Variants in GSK3B observed in about 807,000 individuals in gnomAD.
The protein encoded by GSK3B is glycogen synthase kinase 3 beta.
GSK3B carries 15 observed loss-of-function variants against 56.4 expected under a neutral mutation model. The ratio of observed to expected loss-of-function variants is 0.27; its 90% CI spans 0.18 to 0.41. The LOEUF (loss-of-function observed/expected upper bound fraction) is 0.41, where lower values mean the gene tolerates loss of function less well. Among genes scored for constraint, GSK3B ranks in the 10% least tolerant of loss-of-function variants. The pLI is 1.00. For synonymous variants in GSK3B, 181 were observed against 188.9 expected (o/e 0.96, Z 0.34); for missense variants, 300 against 513.4 (o/e 0.58, Z 4.02).
chr3:119,990,254 C>A (rs1308165952), intron 2 of GSK3B, among the ~76,000 whole-genome samples: 2 of 152,066 alleles, frequency 1.3e-5, no homozygotes, highest in African/African-American at 2.4e-5. Context: ...AACCTCCCCT[C>A]CTCCCAGAGA....
At chr3:119,999,716 A>G (rs961426663) in intron 2 of GSK3B, among the ~76,000 whole-genome samples, 1 of 152,214 alleles carries the variant, frequency 6.6e-6, no homozygotes, top group African/African-American at 2.4e-5. Context: ...TCATACAGGA[A>G]GAATTTGACC....
At chr3:119,870,281 C>T (rs551108729) in intron 8 of GSK3B, among the ~76,000 whole-genome samples, 1 of 152,278 alleles carries the variant, frequency 6.6e-6, no homozygotes, top group South Asian at 2.1e-4. Context: ...TCACATTATT[C>T]AATACTTGCT....
intron 1 of GSK3B, among the ~76,000 whole-genome samples, chr3:120,028,066 G>C (rs183718892): frequency 1.3e-3 from 195 of 152,270 alleles, no homozygotes; most frequent in African/African-American, 4.4e-3. Context: ...GAGATGAATT[G>C]AGTGCCTCAT....
chr3:119,947,203 GATTA>G, intron 3 of GSK3B, 61 bp downstream of exon 3: 1 of 957,500 alleles, frequency 1.0e-6, no homozygotes, highest in Non-Finnish European at 1.7e-6. Flanking sequence ...GCGGTGGGGA[GATTA>G]ATTTCTAGAA....
intron 1 of GSK3B, among the ~76,000 whole-genome samples, chr3:120,059,970 T>C (rs2058222596): frequency 6.6e-6 from 1 of 152,218 alleles, no homozygotes; most frequent in African/African-American, 2.4e-5. Context: ...CACTATTCAT[T>C]TATTCAAAAA....
intron 2 of GSK3B, among the ~76,000 whole-genome samples, chr3:119,970,360 A>G (rs2107514549): frequency 6.6e-6 from 1 of 152,328 alleles, no homozygotes; most frequent in East Asian, 1.9e-4. Context: ...ACTATTAGTC[A>G]TTTTAAAAAT....
intron 2 of GSK3B, among the ~76,000 whole-genome samples, chr3:119,967,726 T>G (rs1255145902): frequency 6.6e-6 from 1 of 152,010 alleles, no homozygotes; most frequent in Non-Finnish European, 1.5e-5. Context: ...TTCTTTTCTT[T>G]TCCTTTCTCC....
chr3:120,014,125 ACT>A (rs1322984965), intron 1 of GSK3B, among the ~76,000 whole-genome samples: 17 of 138,130 alleles, frequency 1.2e-4, no homozygotes, highest in African/African-American at 4.6e-4. Flanking sequence ...ACAGAGTGAG[ACT>A]CTGTCAAAAA....
intron 1 of GSK3B, among the ~76,000 whole-genome samples, chr3:120,047,297 T>A (rs764352528): frequency 1.3e-5 from 2 of 152,116 alleles, no homozygotes; most frequent in Non-Finnish European, 2.9e-5. Flanking sequence ...TCATCAAGAG[T>A]GTAAGTTAAG....
intron 4 of GSK3B, among the ~76,000 whole-genome samples, chr3:119,919,539 A>AG (rs1232569703): frequency 6.6e-6 from 1 of 151,296 alleles, no homozygotes; most frequent in African/African-American, 2.4e-5. Flanking sequence ...AAAGAAAAAA[A>AG]AAAAAAAGAA....
At chr3:119,893,596 T>C (rs1050417039) in intron 7 of GSK3B, among the ~76,000 whole-genome samples, 1 of 152,130 alleles carries the variant, frequency 6.6e-6, no homozygotes, top group African/African-American at 2.4e-5. Flanking sequence ...GTAAACAATT[T>C]GGGTAAAGTA....
chr3:119,995,327 C>CG (rs1302083962), intron 2 of GSK3B, among the ~76,000 whole-genome samples: 1 of 151,506 alleles, frequency 6.6e-6, no homozygotes, highest in Admixed American at 6.6e-5. Flanking sequence ...GGCAAGATCT[C>CG]ACCTGAAAAA....
intron 7 of GSK3B, among the ~76,000 whole-genome samples, chr3:119,892,385 T>C (rs1048787922): frequency 3.3e-5 from 5 of 152,162 alleles, no homozygotes; most frequent in Admixed American, 2.0e-4. Flanking sequence ...TAAATATTTA[T>C]CCACTCCCTT....
At chr3:119,848,346 A>C (rs1229873031) in intron 9 of GSK3B, among the ~76,000 whole-genome samples, 2 of 152,318 alleles carry the variant, frequency 1.3e-5, no homozygotes, top group East Asian at 1.9e-4. Flanking sequence ...ACAGGAGGAC[A>C]TTATCCTCTG....
chr3:119,934,470 C>T (rs1177756912), intron 3 of GSK3B, among the ~76,000 whole-genome samples: 2 of 152,144 alleles, frequency 1.3e-5, no homozygotes, highest in East Asian at 1.9e-4. Context: ...CAAGGAAAGT[C>T]TAAGAAACTG....
intron 2 of GSK3B, among the ~76,000 whole-genome samples, chr3:120,001,124 C>G (rs115105127): frequency 0.027 from 3,892 of 143,296 alleles, 170 homozygotes; most frequent in African/African-American, 0.094. Flanking sequence ...CGGGGTAGAG[C>G]CTGGTGGGAG....
chr3:120,017,171 G>C (rs1016788233), intron 1 of GSK3B, among the ~76,000 whole-genome samples: 2 of 152,074 alleles, frequency 1.3e-5, no homozygotes, highest in African/African-American at 4.8e-5. Context: ...GAATTAGTAC[G>C]CTATACATGG....
chr3:119,917,657 T>G (rs570559275), intron 4 of GSK3B, among the ~76,000 whole-genome samples: 2 of 147,588 alleles, frequency 1.4e-5, no homozygotes, highest in South Asian at 4.3e-4. Flanking sequence ...AAAACGAGTT[T>G]TCTTTTTTTT....
chr3:119,962,270 G>A (rs1195610136), intron 2 of GSK3B, among the ~76,000 whole-genome samples: 2 of 151,910 alleles, frequency 1.3e-5, no homozygotes, highest in Non-Finnish European at 2.9e-5. Flanking sequence ...AGCTACTCAG[G>A]AGGCTGAGGC....
Sources: gnomAD v4.1 joint callset for allele counts (sites outside exome capture counted in the v4.1 genomes callset) on GRCh38, gnomAD v4.1.1 for gene constraint, MANE v1.5 for transcripts, NCBI Gene and HGNC (gene_info 2026-07-23, HGNC 2026-07-21) for gene names.